Variants in VPS9D1 observed in about 807,000 individuals in gnomAD.
VPS9D1 encodes VPS9 domain-containing protein 1.
In VPS9D1, 78 loss-of-function variants were observed where a neutral mutation model predicts 75.8. That is an observed-to-expected ratio of 1.03 (90% CI 0.86 to 1.24). The LOEUF (loss-of-function observed/expected upper bound fraction) is 1.24. VPS9D1 is among the 50% of genes most tolerant of loss of function. VPS9D1 has a pLI of 0.00. For missense variants in VPS9D1, 1,057 were observed against 847.7 expected, an observed-to-expected ratio of 1.25 and a Z score of -3.07; for synonymous variants, 481 against 385.6, an observed-to-expected ratio of 1.25 and a Z score of -2.90.
In VPS9D1 at chr16:89,720,877, A is replaced by T; in HGVS notation, c.-16T>A. ...CAGCGGCCATGGCGCCGAGCGGGGG[A>T]GGCGGCGGCGGTAGCCGAGGGGCTG... On this transcript the variant is annotated 5_prime_UTR_variant, in exon 1 of 15. Transcript: ENST00000389386. 7.4e-7 allele frequency: 1 copy of T among 1,349,056 alleles called. No homozygotes were observed. The highest frequency in any genetic ancestry group is 9.5e-7 in the Non-Finnish European group (1 of 1,047,402). The allele number at this position is 1,349,056 out of a possible 1,614,324, so 83.6% of individuals were successfully genotyped here. A position where few individuals can be genotyped will look rare whatever the true frequency, so the allele number is the denominator to read the frequency against.
In VPS9D1 at chr16:89,712,140, G is replaced by C. The variant is rs551328970; in HGVS notation, c.607-41C>G. The C allele has an allele frequency of 3.2e-6, 5 of 1,547,558 alleles. No homozygotes were observed. The Admixed American group carries it at 9.8e-5, about 30-fold the overall frequency. Reference sequence around the variant, plus strand: ...AGGGGCCGAGCGTGGGATCTGAGCGGGCCCTCGGTTCCCAACCCCGTCCCA... The same window carrying C: ...AGGGGCCGAGCGTGGGATCTGAGCGCGCCCTCGGTTCCCAACCCCGTCCCA... On this transcript the variant is annotated intron_variant, in intron 6 of 14. Coordinates refer to ENST00000389386, the MANE Select transcript of VPS9D1 (RefSeq NM_004913.3).
At chr16:89,709,544 A>G in intron 11 of VPS9D1, 109 bp from the exon 12 acceptor site, 2 of 1,331,276 alleles carry the variant, frequency 1.5e-6, no homozygotes, top group South Asian at 1.5e-5. Flanking sequence ...ATGTATCTCA[A>G]GCAAAAAGCC....
At chr16:89,714,536 CACCCTG>C (rs1445314653) in intron 4 of VPS9D1, among the ~76,000 whole-genome samples, 1 of 152,204 alleles carries the variant, frequency 6.6e-6, no homozygotes, top group Non-Finnish European at 1.5e-5. Context: ...GACGCCTGGC[CACCCTG>C]CCCTGAAGCC....
At chr16:89,709,025 G>GGGGGCGGCCCC in intron 12 of VPS9D1, 69 bp from the exon 13 acceptor site, 1 of 627,190 alleles carries the variant, frequency 1.6e-6, no homozygotes, top group Non-Finnish European at 2.0e-6. Flanking sequence ...CTTATACCCC[G>GGGGGCGGCCCC]CCCACCCACC....
intron 4 of VPS9D1, among the ~76,000 whole-genome samples, chr16:89,714,557 T>C (rs975975130): frequency 6.6e-6 from 1 of 152,142 alleles, no homozygotes; most frequent in Non-Finnish European, 1.5e-5. Flanking sequence ...GAAGCCACAT[T>C]GCAGAAACAA....
intron 2 of VPS9D1, 105 bp from the exon 3 acceptor site, chr16:89,716,927 T>A (rs887171616): frequency 2.2e-6 from 2 of 903,118 alleles, no homozygotes; most frequent in South Asian, 3.8e-5. Flanking sequence ...ACTGCCCCCC[T>A]CAGCACCCCC....
rs759292989 is a variant in VPS9D1 at position 89,710,824 on chromosome 16, G to A, written c.1020C>T (p.Pro340=). The change falls in exon 10 of 15, where the codon CCC becomes CCT. Residue 340 remains proline (P), a synonymous_variant. Transcript: ENST00000389386. ...SLHCMLSPPE[P]SAAPRPQDSP... Reference sequence around the variant, plus strand: ...TGTCCTGGGGCCGCGGGGCTGCGCTGGGCTCGGGCGGGGACAGCATGCAAT... The same window carrying A: ...TGTCCTGGGGCCGCGGGGCTGCGCTAGGCTCGGGCGGGGACAGCATGCAAT... 1 of 1,533,500 alleles carries A rather than the reference G, an allele frequency of 6.5e-7. No homozygotes were observed. Among genetic ancestry groups the A allele is most frequent in the Non-Finnish European group, 8.8e-7 (1 of 1,136,304 alleles). 95.0% of individuals were successfully genotyped at this position (1,533,500 alleles called of 1,614,324 possible).
At chr16:89,711,067 C>T in intron 9 of VPS9D1, 57 bp from the exon 10 acceptor site, 1 of 1,414,188 alleles carries the variant, frequency 7.1e-7, no homozygotes, top group Non-Finnish European at 9.2e-7. Flanking sequence ...GTGGCATCCA[C>T]AGGTGCCGCG....
rs367891054 is a variant in VPS9D1, at chr16:89,709,288, C to G, written c.1536G>C (p.Ala512=). The G allele has an allele frequency of 6.2e-7, 1 of 1,610,098 alleles. No individual in the cohort carries two copies. Among genetic ancestry groups the G allele is most frequent in the Non-Finnish European group, 8.5e-7 (1 of 1,179,396 alleles). The change falls in exon 12 of 15, where the codon GCG becomes GCC. Residue 512 remains alanine (A), a synonymous_variant. Transcript: ENST00000389386. ...KGATGYPYCA[A]AQELGLLVLE... ...GGACCAGCAGTCCGAGCTCCTGGGC[C>G]GCCGCGCAGTAGGGGTAGCCAGTGG...
At chr16:89,717,504 G>A (rs1053703468) in intron 2 of VPS9D1, 4 of 452,976 alleles carry the variant, frequency 8.8e-6, no homozygotes, top group African/African-American at 6.0e-5. Context: ...TCTGCGCGCC[G>A]TGGGAGCTGC....
Position 89,712,111 on chromosome 16 carries a change from G to A in VPS9D1, c.607-12C>T, listed in dbSNP as rs1172792616. 2 of 1,548,156 alleles carry A rather than the reference G, an allele frequency of 1.3e-6. No homozygotes were observed. The highest frequency in any genetic ancestry group is 1.4e-5 in the African/African-American group (1 of 72,968). ...ATCTTTCTCTGGAGCTGGGTGCAGA[G>A]TCAAGGGGCCGAGCGTGGGATCTGA... is the stretch of plus-strand genomic sequence containing the variant. On this transcript the variant is annotated splice_polypyrimidine_tract_variant and intron_variant, in intron 6 of 14. Transcript: ENST00000389386.
chr16:89,709,163 C>G (rs2060858235), intron 12 of VPS9D1, 64 bp downstream of exon 12: 14 of 1,602,698 alleles, frequency 8.7e-6, no homozygotes, highest in Non-Finnish European at 1.2e-5. Context: ...GGTGAAGACA[C>G]AGGCTCCAGG....
At chr16:89,712,881 C>T in intron 4 of VPS9D1, 165 bp from the exon 5 acceptor site, 1 of 587,596 alleles carries the variant, frequency 1.7e-6, no homozygotes, top group Non-Finnish European at 2.8e-6. Flanking sequence ...TTCTTGCCTG[C>T]CCTTCCAAAA....
chr16:89,711,494 C>G, intron 8 of VPS9D1, 82 bp from the exon 9 acceptor site: 1 of 1,362,868 alleles, frequency 7.3e-7, no homozygotes, highest in African/African-American at 1.5e-5. Flanking sequence ...GTGCCGACCC[C>G]TAGAGACTGT....
Position 89,711,919 on chromosome 16 carries a change from G to A in VPS9D1, c.710C>T (p.Ala237Val). The A allele has an allele frequency of 7.7e-6, 12 of 1,551,576 alleles. No individual in the cohort carries two copies. The highest frequency in any genetic ancestry group is 2.4e-5 in the East Asian group (1 of 41,016). The change falls in exon 8 of 15, where the codon GCC (alanine) becomes GTC (valine). Residue 237 changes from alanine to valine, a missense_variant. Physicochemically the swap from Ala to Val is moderately conservative, Grantham distance 64 (BLOSUM62 0). Coordinates refer to ENST00000389386, the MANE Select transcript of VPS9D1 (RefSeq NM_004913.3). ...ALTPEEREQR[A>V]LYAAILEYEQ... The stretch of plus-strand genomic sequence containing the variant: ...GTACTCCAGGATGGCGGCGTAAAGG[G>A]CCCGCTGCTCCCGTTCCTCCGGGGT...
In VPS9D1 at chr16:89,709,258, C is replaced by G; in HGVS notation, c.1566G>C (p.Glu522Asp). 2 of 1,611,892 alleles carry G rather than the reference C, an allele frequency of 1.2e-6. No individual in the cohort carries two copies. Among genetic ancestry groups the G allele is most frequent in the Non-Finnish European group, 1.7e-6 (2 of 1,179,936 alleles). The change falls in exon 12 of 15, where the codon GAG becomes GAC. Residue 522 changes from glutamate to aspartate, a missense_variant. By Grantham distance (45) the Glu-to-Asp change is conservative. Transcript: ENST00000389386. ...ACTCCAGCTTCTTCTGGGGGCAGCT[C>G]TCCAGGACCAGCAGTCCGAGCTCCT... is the stretch of plus-strand genomic sequence containing the variant. ...AAQELGLLVL[E>D]SCPQKKLECI...
intron 4 of VPS9D1, among the ~76,000 whole-genome samples, chr16:89,715,268 C>T (rs1444211093): frequency 6.6e-6 from 1 of 150,520 alleles, no homozygotes; most frequent in Non-Finnish European, 1.5e-5. Context: ...GCTCTGTCGC[C>T]CAGGCTGGAA....
In VPS9D1 at chr16:89,712,444, C is replaced by T. The variant is rs559590746; in HGVS notation, c.606+16G>A. The T allele has an allele frequency of 1.4e-5, 22 of 1,612,500 alleles. No individual in the cohort carries two copies. Among genetic ancestry groups the T allele is most frequent in the South Asian group, 8.8e-5 (8 of 91,058 alleles). On this transcript the variant is annotated intron_variant, in intron 6 of 14. Coordinates refer to ENST00000389386, the MANE Select transcript of VPS9D1 (RefSeq NM_004913.3). ...AGTTTCCCCTCGGGGACCACCAGGG[C>T]GGTCAGAAAGGCTGCTGTCTCCTCC...
At chr16:89,720,289 C>T (rs897298336) in intron 1 of VPS9D1, 5 of 580,982 alleles carry the variant, frequency 8.6e-6, no homozygotes, top group Admixed American at 6.4e-5. Context: ...ATCTCAGGAA[C>T]GGGCCACACC....
Sources: allele counts gnomAD v4.1 joint callset (sites outside exome capture counted in the v4.1 genomes callset), GRCh38; gene constraint gnomAD v4.1.1; transcripts MANE v1.5; gene names NCBI Gene and HGNC (gene_info 2026-07-23, HGNC 2026-07-21).